GLCCI1: variants seen among roughly 807,000 people sequenced by gnomAD.
GLCCI1 encodes the protein glucocorticoid induced 1, also known as glucocorticoid-induced transcript 1 protein.
GLCCI1 carries 24 observed loss-of-function variants against 52.2 expected under a neutral mutation model. That is an observed-to-expected ratio of 0.46 (90% CI 0.33 to 0.65). The LOEUF is 0.65. Among genes scored for constraint, GLCCI1 ranks in the 30% least tolerant of loss-of-function variants. The pLI is 0.02. For synonymous variants in GLCCI1, 310 were observed against 276.5 expected (o/e 1.12, Z -1.20); for missense variants, 704 against 701.5 (o/e 1.00, Z -0.04).
chr7:7,995,951 AAAAG>A (rs1306206538), intron 1 of GLCCI1, among the ~76,000 whole-genome samples: 6 of 152,184 alleles, frequency 3.9e-5, no homozygotes, highest in Non-Finnish European at 5.9e-5. Context: ...AAAAATGAAA[AAAAG>A]AGAGCCTATT....
chr7:8,006,688 A>G (rs1348235157), intron 2 of GLCCI1, among the ~76,000 whole-genome samples: 2 of 152,212 alleles, frequency 1.3e-5, no homozygotes, highest in Admixed American at 6.5e-5. Flanking sequence ...CCAATGACAA[A>G]TAATCTTCAT....
intron 3 of GLCCI1, among the ~76,000 whole-genome samples, chr7:8,050,896 C>T (rs1191283460): frequency 2.0e-5 from 3 of 152,288 alleles, no homozygotes; most frequent in Non-Finnish European, 4.4e-5. Flanking sequence ...GTACCTATCT[C>T]ATGTGCTTTT....
At chr7:7,981,310 C>T (rs1439741020) in intron 1 of GLCCI1, 11 of 240,388 alleles carry the variant, frequency 4.6e-5, no homozygotes, top group Middle Eastern at 1.4e-3. Context: ...CTCTTTCTTT[C>T]TGTCTCTCTT....
chr7:7,994,500 A>G (rs901765293), intron 1 of GLCCI1, among the ~76,000 whole-genome samples: 1 of 152,220 alleles, frequency 6.6e-6, no homozygotes, highest in African/African-American at 2.4e-5. Context: ...ATGTCATCCC[A>G]TGACAGAGGT....
intron 3 of GLCCI1, among the ~76,000 whole-genome samples, chr7:8,037,480 C>G (rs987715681): frequency 6.6e-6 from 1 of 152,102 alleles, no homozygotes; most frequent in African/African-American, 2.4e-5. Flanking sequence ...TAAAACAGTT[C>G]CACAACTGAG....
At chr7:8,014,061 C>T (rs1424685121) in intron 2 of GLCCI1, among the ~76,000 whole-genome samples, 3 of 149,878 alleles carry the variant, frequency 2.0e-5, no homozygotes, top group Admixed American at 1.3e-4. Flanking sequence ...ACTGTCTTGG[C>T]TCACTGCAGC....
intron 2 of GLCCI1, among the ~76,000 whole-genome samples, chr7:8,020,253 A>T (rs114033964): frequency 0.011 from 1,667 of 152,306 alleles, 31 homozygotes; most frequent in African/African-American, 0.038. Context: ...TCATCAAGAC[A>T]TCACTAGGTA....
chr7:7,995,207 G>A (rs1780915950), intron 1 of GLCCI1, among the ~76,000 whole-genome samples: 1 of 152,152 alleles, frequency 6.6e-6, no homozygotes, highest in South Asian at 2.1e-4. Flanking sequence ...ATTATATTGA[G>A]GAAATTATTC....
intron 4 of GLCCI1, 153 bp downstream of exon 4, chr7:8,055,702 C>A (rs1782374492): frequency 5.5e-6 from 3 of 542,500 alleles, no homozygotes; most frequent in Non-Finnish European, 9.7e-6. Context: ...TAGAAAGCAG[C>A]CGGGCGGCCG....
chr7:8,026,615 G>C (rs1781627671), intron 3 of GLCCI1, among the ~76,000 whole-genome samples: 1 of 152,238 alleles, frequency 6.6e-6, no homozygotes, highest in Non-Finnish European at 1.5e-5. Flanking sequence ...GTGCACTTTG[G>C]GGAAGAAGAG....
rs769329322 is a variant in GLCCI1, at chr7:8,055,447, G to A, written c.711G>A (p.Leu237=). 1.6e-5 allele frequency: 26 copies of A among 1,612,996 alleles called. No homozygotes were observed. The highest frequency in any genetic ancestry group is 2.1e-5 in the Non-Finnish European group (25 of 1,179,280). The part of the protein sequence containing the change: ...ADQLKEQIAK[L]RQQLQRSKQS... Reference sequence around the variant, plus strand: ...TGTCCCCAAAGCAGATCGCCAAACTGAGGCAGCAACTACAACGCAGTAAAC... The same window carrying A: ...TGTCCCCAAAGCAGATCGCCAAACTAAGGCAGCAACTACAACGCAGTAAAC... Residue 237 remains leucine, a synonymous_variant, in exon 4 of 8, where the codon CTG becomes CTA. Transcript: ENST00000223145.
At chr7:7,971,676 T>G (rs957275895) in intron 1 of GLCCI1, among the ~76,000 whole-genome samples, 2 of 152,220 alleles carry the variant, frequency 1.3e-5, no homozygotes, top group African/African-American at 4.8e-5. Flanking sequence ...TTCAAAAGGC[T>G]TAATGGCCTA....
intron 2 of GLCCI1, among the ~76,000 whole-genome samples, chr7:8,020,829 A>G (rs1294816725): frequency 6.6e-6 from 1 of 152,206 alleles, no homozygotes; most frequent in Non-Finnish European, 1.5e-5. Flanking sequence ...AAAAGTGACT[A>G]AACAATTGAA....
At chr7:8,039,083 A>G (rs1338983122) in intron 3 of GLCCI1, among the ~76,000 whole-genome samples, 2 of 152,206 alleles carry the variant, frequency 1.3e-5, no homozygotes, top group Non-Finnish European at 2.9e-5. Flanking sequence ...ACCAGTCAGA[A>G]TGACTATTAA....
chr7:8,055,507 G>A lies in GLCCI1; in HGVS notation c.771G>A (p.Gln257=), dbSNP rs772884928. The part of the protein sequence containing the change: ...SSRHSKEKDR[Q]SPLHGNHITI... The stretch of plus-strand genomic sequence containing the variant: ...GTCACAGTAAGGAGAAAGATCGCCA[G>A]TCACCTCTTCATGGCAACCATATAA... The change falls in exon 4 of 8, where the codon CAG becomes CAA. Residue 257 remains glutamine (Q), a synonymous_variant. Coordinates refer to ENST00000223145, the MANE Select transcript of GLCCI1 (RefSeq NM_138426.4). 1.6e-5 allele frequency: 26 copies of A among 1,613,458 alleles called. No homozygotes were observed. The highest frequency in any genetic ancestry group is 3.3e-5 in the Admixed American group (2 of 59,988).
At chr7:8,042,928 T>G (rs78525409) in intron 3 of GLCCI1, among the ~76,000 whole-genome samples, 1,905 of 152,272 alleles carry the variant, frequency 0.013, 13 homozygotes, top group Non-Finnish European at 0.02. Context: ...CAAAGAAATC[T>G]GGTATGAAAG....
intron 1 of GLCCI1, among the ~76,000 whole-genome samples, chr7:7,997,926 CAAAT>C (rs55772533): frequency 0.24 from 33,989 of 138,808 alleles, 4,347 homozygotes; most frequent in East Asian, 0.35. Context: ...GACTCTGTCT[CAAAT>C]AAATAAATAA....
intron 4 of GLCCI1, among the ~76,000 whole-genome samples, chr7:8,058,568 A>G (rs1401231242): frequency 6.6e-6 from 1 of 152,208 alleles, no homozygotes. Context: ...AGAATCCATA[A>G]AGAAATGGTG....
At chr7:8,016,978 C>T (rs1293123734) in intron 2 of GLCCI1, among the ~76,000 whole-genome samples, 10 of 152,168 alleles carry the variant, frequency 6.6e-5, no homozygotes, top group African/African-American at 2.4e-4. Flanking sequence ...GACCCCAGAG[C>T]ATGTGAGGGC....
Sources: gnomAD v4.1 joint callset for allele counts (sites outside exome capture counted in the v4.1 genomes callset) on GRCh38, gnomAD v4.1.1 for gene constraint, MANE v1.5 for transcripts, NCBI Gene and HGNC (gene_info 2026-07-23, HGNC 2026-07-21) for gene names.